Variants in LNX1 observed in about 807,000 individuals in gnomAD.
LNX1 encodes ligand of numb-protein X 1.
Under a neutral mutation model 68.4 loss-of-function variants are expected in LNX1, and 54 were observed. The observed-to-expected ratio is 0.79, with a 90% CI of 0.63 to 0.99. The LOEUF is 0.99. LNX1 is among the 50% of genes least tolerant of loss of function. The pLI is 0.00. For synonymous variants in LNX1, 336 were observed against 350.0 expected (o/e 0.96, Z 0.45); for missense variants, 906 against 926.4 (o/e 0.98, Z 0.29).
At chr4:53,561,928 T>TA (rs33996308) in intron 2 of LNX1, among the ~76,000 whole-genome samples, 26,051 of 151,590 alleles carry the variant, frequency 0.17, 3,128 homozygotes, top group African/African-American at 0.34. Context: ...ATCCCAGAAT[T>TA]AAAAAAAAGG....
chr4:53,494,897 G>C (rs1264228953), intron 6 of LNX1, among the ~76,000 whole-genome samples: 1 of 152,172 alleles, frequency 6.6e-6, no homozygotes, highest in Non-Finnish European at 1.5e-5. Flanking sequence ...AAAAAAGCCA[G>C]TCCCCCAAGT....
At chr4:53,480,758 T>G (rs1723857796) in intron 7 of LNX1, among the ~76,000 whole-genome samples, 1 of 152,124 alleles carries the variant, frequency 6.6e-6, no homozygotes, top group Non-Finnish European at 1.5e-5. Flanking sequence ...AATAAAAAAT[T>G]TGAATATTGT....
chr4:53,584,332 T>A (rs1732030706), intron 1 of LNX1, among the ~76,000 whole-genome samples: 1 of 152,146 alleles, frequency 6.6e-6, no homozygotes, highest in African/African-American at 2.4e-5. Flanking sequence ...TGTAGGGAAT[T>A]CCATTTCATC....
At chr4:53,577,305 T>C (rs1731555583) in intron 1 of LNX1, among the ~76,000 whole-genome samples, 1 of 152,258 alleles carries the variant, frequency 6.6e-6, no homozygotes, top group Non-Finnish European at 1.5e-5. Context: ...CTCTGTAGTG[T>C]TCTGCCATAT....
At chr4:53,570,199 A>G (rs1230035891) in intron 2 of LNX1, among the ~76,000 whole-genome samples, 1 of 144,016 alleles carries the variant, frequency 6.9e-6, no homozygotes, top group Non-Finnish European at 1.5e-5. Flanking sequence ...ATGCTGCTAT[A>G]AAGACACATG....
At chr4:53,562,646 G>T (rs966129341) in intron 2 of LNX1, among the ~76,000 whole-genome samples, 1 of 152,204 alleles carries the variant, frequency 6.6e-6, no homozygotes, top group African/African-American at 2.4e-5. Flanking sequence ...TAAGTCTCCT[G>T]TTGGGCAACA....
chr4:53,498,083 TC>T (rs1472598909), intron 5 of LNX1, among the ~76,000 whole-genome samples: 2 of 152,284 alleles, frequency 1.3e-5, no homozygotes, highest in South Asian at 2.1e-4. Flanking sequence ...AGCATTCTAT[TC>T]CAACACCTGT....
At chr4:53,576,056 A>G in intron 1 of LNX1, 2 of 1,561,392 alleles carry the variant, frequency 1.3e-6, no homozygotes, top group South Asian at 2.5e-5. Context: ...CAGCTCCAGG[A>G]ACTCTGCATC....
intron 6 of LNX1, among the ~76,000 whole-genome samples, chr4:53,482,154 T>C (rs1249108320): frequency 6.6e-6 from 1 of 152,212 alleles, no homozygotes; most frequent in Non-Finnish European, 1.5e-5. Context: ...TAATTAATGG[T>C]TGTACCACAC....
chr4:53,511,374 G>GT (rs1298085239), intron 2 of LNX1, among the ~76,000 whole-genome samples: 1 of 152,192 alleles, frequency 6.6e-6, no homozygotes, highest in African/African-American at 2.4e-5. Flanking sequence ...AGAACATACG[G>GT]TAAACCCTGG....
intron 1 of LNX1, among the ~76,000 whole-genome samples, chr4:53,623,280 T>C (rs986075339): frequency 2.6e-5 from 4 of 151,408 alleles, no homozygotes; most frequent in Non-Finnish European, 5.9e-5. Flanking sequence ...CTTGGCTCAC[T>C]GCAACCTCCT....
chr4:53,512,686 A>G (rs1726441495), intron 2 of LNX1, among the ~76,000 whole-genome samples: 1 of 152,200 alleles, frequency 6.6e-6, no homozygotes, highest in African/African-American at 2.4e-5. Context: ...AAAGGGAGAC[A>G]CTCAGTCCTA....
rs1723596070 is a variant in LNX1, at chr4:53,476,860, A to G, written c.1785T>C (p.Tyr595=). Residue 595 remains tyrosine, a synonymous_variant, in exon 9 of 11, where the codon TAT becomes TAC. Coordinates refer to ENST00000263925, the MANE Select transcript of LNX1 (RefSeq NM_001126328.3). The part of the protein sequence containing the change: ...IVLKALEVKE[Y]EPQEDCSSPA... ...GGCTGCTGCAGTCTTCCTGGGGCTC[A>G]TACTCTTTGACTTCCAAAGCTTTGA... 1.9e-6 allele frequency: 3 copies of G among 1,614,074 alleles called. No homozygotes were observed. In the African/African-American group the frequency reaches 4.0e-5, roughly 22 times the overall value.
chr4:53,461,086 G>A (rs543575346), intron 10 of LNX1, 44 bp from the exon 11 acceptor site: 44 of 1,487,530 alleles, frequency 3.0e-5, no homozygotes, highest in Non-Finnish European at 3.9e-5. Context: ...ATTTTAATTC[G>A]TTGCTGAAGT....
chr4:53,519,438 GTTTTTTT>G (rs36120084), intron 2 of LNX1, among the ~76,000 whole-genome samples: 2 of 128,574 alleles, frequency 1.6e-5, no homozygotes, highest in African/African-American at 5.8e-5. Context: ...TTTGTTCAGT[GTTTTTTT>G]TTTTTTTTTT....
chr4:53,546,691 C>T (rs759455072), intron 2 of LNX1, among the ~76,000 whole-genome samples: 22 of 152,236 alleles, frequency 1.4e-4, no homozygotes, highest in Non-Finnish European at 2.6e-4. Context: ...TTCTGGGCCA[C>T]AGACACCACC....
chr4:53,486,166 A>T (rs963422873), intron 6 of LNX1, among the ~76,000 whole-genome samples: 2 of 152,166 alleles, frequency 1.3e-5, no homozygotes, highest in African/African-American at 4.8e-5. Context: ...GAGCTGAAGC[A>T]TTAGACTCCC....
chr4:53,565,238 A>C (rs1366383860), intron 2 of LNX1, among the ~76,000 whole-genome samples: 5 of 152,122 alleles, frequency 3.3e-5, no homozygotes, highest in South Asian at 4.1e-4. Context: ...CTGCAGACTT[A>C]AGTGTCCCTG....
intron 7 of LNX1, among the ~76,000 whole-genome samples, chr4:53,479,092 G>T (rs1193352330): frequency 6.6e-6 from 1 of 152,188 alleles, no homozygotes; most frequent in Non-Finnish European, 1.5e-5. Context: ...TAGAGAAAAA[G>T]TATTGCTTTG....
Sources: gnomAD v4.1 joint callset for allele counts (sites outside exome capture counted in the v4.1 genomes callset) on GRCh38, gnomAD v4.1.1 for gene constraint, MANE v1.5 for transcripts, NCBI Gene and HGNC (gene_info 2026-07-23, HGNC 2026-07-21) for gene names.